PPP2R3B: variants seen among roughly 807,000 people sequenced by gnomAD.
The protein encoded by PPP2R3B is serine/threonine-protein phosphatase 2A regulatory subunit B'' subunit beta.
In PPP2R3B, 68 loss-of-function variants were observed where a neutral mutation model predicts 72.9. The observed-to-expected ratio is 0.93, with a 90% CI of 0.77 to 1.14. PPP2R3B has a LOEUF of 1.14. PPP2R3B is among the 50% of genes most tolerant of loss of function. PPP2R3B has a pLI of 0.00. For synonymous variants in PPP2R3B, 466 were observed against 375.8 expected, an observed-to-expected ratio of 1.24 and a Z score of -2.78; for missense variants, 1,018 against 842.0, an observed-to-expected ratio of 1.21 and a Z score of -2.59.
intron 7 of PPP2R3B, chrX:342,222 A>C: frequency 5.2e-6 from 3 of 573,292 alleles, no homozygotes; most frequent in Non-Finnish European, 6.3e-6. Flanking sequence ...TACAGCTTTC[A>C]GACGGAGAGA....
rs753108775 is a variant in PPP2R3B, at chrX:340,812, T to C, written c.1304A>G (p.Gln435Arg). ...DSMAIEALPF[Q>R]DCLCQMLDLV... ...GTCCAGCATCTGGCAGAGGCAGTCC[T>C]GGAAGGGCAGGGCCTCGATGGCCAT... Residue 435 changes from glutamine to arginine, a missense_variant, in exon 10 of 13, where the codon CAG becomes CGG. Coordinates refer to ENST00000390665, the MANE Select transcript of PPP2R3B (RefSeq NM_013239.5). The C allele has an allele frequency of 4.4e-6, 7 of 1,608,100 alleles. No homozygotes were observed. The Admixed American group carries it at 1.2e-4, about 27-fold the overall frequency.
chrX:374,856 C>A (rs2071954661), intron 1 of PPP2R3B, among the ~76,000 whole-genome samples: 2 of 152,196 alleles, frequency 1.3e-5, no homozygotes, highest in South Asian at 2.1e-4. Context: ...ACTGTGGGGT[C>A]ACGCAGAGGA....
At chrX:367,970 C>T (rs2071759376) in intron 1 of PPP2R3B, among the ~76,000 whole-genome samples, 1 of 152,246 alleles carries the variant, frequency 6.6e-6, no homozygotes, top group South Asian at 2.1e-4. Flanking sequence ...CCAAGGAACG[C>T]TGAAGAGGTC....
At chrX:385,320 C>CTTTTTTTTTTTTT (rs1178231888) in intron 1 of PPP2R3B, among the ~76,000 whole-genome samples, 1 of 75,658 alleles carries the variant, frequency 1.3e-5, no homozygotes, top group East Asian at 4.2e-4. Flanking sequence ...TTTTAGTTTT[C>CTTTTTTTTTTTTT]TTTTTTTTTT....
intron 1 of PPP2R3B, among the ~76,000 whole-genome samples, chrX:371,621 G>A (rs190329520): frequency 1.4e-3 from 216 of 152,242 alleles, no homozygotes; most frequent in African/African-American, 4.8e-3. Context: ...GAGGACCCCT[G>A]AAAACAGTAC....
intron 2 of PPP2R3B, among the ~76,000 whole-genome samples, chrX:351,254 G>A (rs1362891816): frequency 2.6e-5 from 4 of 152,254 alleles, no homozygotes; most frequent in South Asian, 2.1e-4. Context: ...GGAACGAGCC[G>A]GGTGCAGCAC....
chrX:357,601 T>C (rs765271466), intron 2 of PPP2R3B, among the ~76,000 whole-genome samples: 1 of 152,246 alleles, frequency 6.6e-6, no homozygotes, highest in Non-Finnish European at 1.5e-5. Flanking sequence ...ATTTTGTAAA[T>C]CGTACAAGAC....
chrX:350,189 G>A (rs373237353), intron 2 of PPP2R3B, among the ~76,000 whole-genome samples: 1 of 152,090 alleles, frequency 6.6e-6, no homozygotes, highest in East Asian at 1.9e-4. Flanking sequence ...AAGTGAGTTG[G>A]GACAGAGCCC....
intron 7 of PPP2R3B, among the ~76,000 whole-genome samples, chrX:344,606 C>T (rs1286032312): frequency 2.6e-5 from 4 of 152,366 alleles, no homozygotes; most frequent in African/African-American, 9.6e-5. Context: ...GCGCCTGGTT[C>T]TGGGCCGATT....
chrX:344,752 C>T, intron 7 of PPP2R3B: 1 of 247,470 alleles, frequency 4.0e-6, no homozygotes, highest in Non-Finnish European at 8.0e-6. Context: ...AATGCTACGT[C>T]TGCTCAGGTG....
chrX:344,915 A>C, intron 7 of PPP2R3B: 2 of 345,802 alleles, frequency 5.8e-6, no homozygotes, highest in Non-Finnish European at 1.1e-5. Flanking sequence ...TCTTGGTCAT[A>C]TGGTTTTTTG....
At chrX:374,847 CT>C (rs1385609451) in intron 1 of PPP2R3B, among the ~76,000 whole-genome samples, 2 of 152,210 alleles carry the variant, frequency 1.3e-5, no homozygotes, top group Non-Finnish European at 2.9e-5. Context: ...GGATCTACCA[CT>C]GTGGGGTCAC....
chrX:341,812 CA>C lies in PPP2R3B; in HGVS notation c.1085+70del. On this transcript the variant is annotated intron_variant, in intron 8 of 12. Coordinates refer to ENST00000390665, the MANE Select transcript of PPP2R3B (RefSeq NM_013239.5). ...CGGGGCACAAAAAGCTCACGTCAGG[CA>C]ACGATGAGGAGAGGGACCGGGGTCC... 7 of 1,539,874 alleles carry C rather than the reference CA, an allele frequency of 4.5e-6. No homozygotes were observed. The South Asian group carries it at 7.8e-5, about 17-fold the overall frequency.
intron 2 of PPP2R3B, among the ~76,000 whole-genome samples, chrX:358,211 T>G (rs2071473815): frequency 6.6e-6 from 1 of 152,096 alleles, no homozygotes; most frequent in Non-Finnish European, 1.5e-5. Context: ...TGGACGGACA[T>G]CTGCAGGTGG....
At chrX:362,007 T>C (rs1280851492) in intron 1 of PPP2R3B, among the ~76,000 whole-genome samples, 1 of 152,068 alleles carries the variant, frequency 6.6e-6, no homozygotes, top group Non-Finnish European at 1.5e-5. Context: ...GCCTGAGAGC[T>C]CAGACGTGGA....
At chrX:366,852 G>C (rs1226723048) in intron 1 of PPP2R3B, among the ~76,000 whole-genome samples, 2 of 144,636 alleles carry the variant, frequency 1.4e-5, no homozygotes, top group Non-Finnish European at 3.0e-5. Context: ...GACAGAGTGA[G>C]ACTCTGTCTC....
intron 2 of PPP2R3B, among the ~76,000 whole-genome samples, chrX:352,000 C>T (rs1405583143): frequency 3.3e-5 from 5 of 152,198 alleles, no homozygotes; most frequent in Non-Finnish European, 5.9e-5. Context: ...GAGACAGCTG[C>T]ACCCCCGGCG....
rs2070949402 is a variant in PPP2R3B, at chrX:338,453, T to C, written c.1577+151A>G. 35 of 758,826 alleles carry C rather than the reference T, an allele frequency of 4.6e-5. No homozygotes were observed. The East Asian group carries it at 9.5e-4, about 21-fold the overall frequency. The allele number at this position is 758,826 out of a possible 1,614,324, so 47.0% of individuals were successfully genotyped here. A position where few individuals can be genotyped will look rare whatever the true frequency, so the allele number is the denominator to read the frequency against. On this transcript the variant is annotated intron_variant, in intron 12 of 12. Coordinates refer to ENST00000390665, the MANE Select transcript of PPP2R3B (RefSeq NM_013239.5). ...CTTACCTCACCGGCCCCGTGTCAGG[T>C]CTCACCCCGCCCCTCTGTGTCCGCG...
At position 341,922 on chromosome X, in the gene PPP2R3B, G is replaced by A. The variant is rs199538596; in HGVS notation, c.1046C>T (p.Thr349Ile). 6 of 1,612,732 alleles carry A rather than the reference G, an allele frequency of 3.7e-6. No individual in the cohort carries two copies. The East Asian group carries it at 1.1e-4, about 30-fold the overall frequency. The change falls in exon 8 of 13, where the codon ACC becomes ATC. Residue 349 changes from threonine to isoleucine, a missense_variant. By Grantham distance (89) the Thr-to-Ile change is moderately conservative. Transcript: ENST00000390665. ...LARHNDHALS[T>I]KMIDRIFSGA... ...TGAGAAGATCCTGTCTATCATCTTG[G>A]TAGAAAGGGCTGGAAAGGAATGCGG...
Sources: gnomAD v4.1 joint callset for allele counts (sites outside exome capture counted in the v4.1 genomes callset) on GRCh38, gnomAD v4.1.1 for gene constraint, MANE v1.5 for transcripts, NCBI Gene and HGNC (gene_info 2026-07-23, HGNC 2026-07-21) for gene names.